Variants in DIAPH2 observed in about 807,000 individuals in gnomAD.
DIAPH2 encodes the protein protein diaphanous homolog 2.
In DIAPH2, 35 loss-of-function variants were observed where a neutral mutation model predicts 92.7. The ratio of observed to expected loss-of-function variants is 0.38; its 90% confidence interval spans 0.29 to 0.50. The LOEUF (loss-of-function observed/expected upper bound fraction) is 0.50, where lower values mean the gene tolerates loss of function less well. DIAPH2 is among the 20% of genes least tolerant of loss of function. The probability of loss-of-function intolerance (pLI) is 0.94; values close to 1 mark genes in which losing one functional copy is unlikely to be tolerated. For synonymous variants in DIAPH2, 301 were observed against 280.4 expected (o/e 1.07, Z -0.73); for missense variants, 701 against 819.5 (o/e 0.86, Z 1.77).
intron 21 of DIAPH2, among the ~76,000 whole-genome samples, chrX:97,139,462 A>G (rs775523751): frequency 8.3e-5 from 9 of 108,377 alleles, no homozygotes; most frequent in South Asian, 3.9e-4. Flanking sequence ...TTTTAAAAAA[A>G]AACAACAAAT....
intron 25 of DIAPH2, among the ~76,000 whole-genome samples, chrX:97,394,336 G>A (rs750533855): frequency 4.7e-4 from 52 of 111,792 alleles, no homozygotes; most frequent in African/African-American, 1.6e-3. Context: ...TGTATGCTTG[G>A]TGGACCTAGA....
intron 4 of DIAPH2, among the ~76,000 whole-genome samples, chrX:96,844,779 A>G (rs890945787): frequency 8.1e-5 from 9 of 111,668 alleles, no homozygotes; most frequent in Non-Finnish European, 1.7e-4. Context: ...CATATTGCAG[A>G]GGAAGTGTTA....
At chrX:97,417,597 C>T (rs1379043797) in intron 25 of DIAPH2, among the ~76,000 whole-genome samples, 2 of 111,608 alleles carry the variant, frequency 1.8e-5, no homozygotes, top group Non-Finnish European at 3.8e-5. Flanking sequence ...ATCGCTTGAA[C>T]CCAGGAGGCA....
chrX:96,980,915 CT>C (rs953230932), intron 17 of DIAPH2, among the ~76,000 whole-genome samples: 1 of 102,383 alleles, frequency 9.8e-6, no homozygotes, highest in Non-Finnish European at 2.0e-5. Context: ...AATCCCAGCA[CT>C]TTGGGAGGCC....
At chrX:96,845,119 T>C (rs2064962737) in intron 4 of DIAPH2, among the ~76,000 whole-genome samples, 1 of 111,805 alleles carries the variant, frequency 8.9e-6, no homozygotes, top group Non-Finnish European at 1.9e-5. Context: ...GTCATAAATT[T>C]CTCATTTTTC....
intron 23 of DIAPH2, among the ~76,000 whole-genome samples, chrX:97,326,955 G>A (rs12840098): frequency 0.43 from 47,472 of 110,961 alleles, 8,731 homozygotes; most frequent in Non-Finnish European, 0.58. Context: ...TCTACAAGCA[G>A]TTTAAAAATC....
At chrX:96,862,407 T>C (rs2065077681) in intron 4 of DIAPH2, among the ~76,000 whole-genome samples, 1 of 112,193 alleles carries the variant, frequency 8.9e-6, no homozygotes, top group African/African-American at 3.2e-5. Flanking sequence ...ATGATCATTG[T>C]AATGGTGACA....
chrX:97,512,191 C>CCCG (rs1569415220), intron 26 of DIAPH2, among the ~76,000 whole-genome samples: 13 of 113,219 alleles, frequency 1.1e-4, no homozygotes, highest in Non-Finnish European at 2.1e-4. Context: ...TTCAGAGACT[C>CCCG]TTATTGGTCT....
intron 25 of DIAPH2, among the ~76,000 whole-genome samples, chrX:97,427,839 A>C (rs925215808): frequency 9.1e-6 from 1 of 110,138 alleles, no homozygotes; most frequent in East Asian, 2.9e-4. Context: ...GGTGCCCACC[A>C]CCATGCCTGG....
At chrX:96,846,561 C>A (rs765460951) in intron 4 of DIAPH2, among the ~76,000 whole-genome samples, 71 of 112,281 alleles carry the variant, frequency 6.3e-4, no homozygotes, top group Middle Eastern at 9.3e-3. Flanking sequence ...CAATTCTATT[C>A]ATATTCACTT....
intron 17 of DIAPH2, among the ~76,000 whole-genome samples, chrX:97,015,644 G>A (rs767600511): frequency 8.1e-5 from 9 of 110,749 alleles, no homozygotes; most frequent in Non-Finnish European, 1.1e-4. Context: ...TTTCTAAATT[G>A]GGTGGCTTTG....
chrX:96,747,464 G>A (rs1328803651), intron 3 of DIAPH2, among the ~76,000 whole-genome samples: 1 of 111,975 alleles, frequency 8.9e-6, no homozygotes. Flanking sequence ...CAAATTTGAT[G>A]TTTTACACTC....
At chrX:97,486,621 A>G (rs759286183) in intron 26 of DIAPH2, among the ~76,000 whole-genome samples, 1 of 111,779 alleles carries the variant, frequency 8.9e-6, no homozygotes, top group African/African-American at 3.2e-5. Flanking sequence ...ATATATTTAC[A>G]CATACTATTT....
At chrX:97,130,446 GTTATA>G (rs1428600835) in intron 21 of DIAPH2, among the ~76,000 whole-genome samples, 1 of 111,797 alleles carries the variant, frequency 8.9e-6, no homozygotes, top group Non-Finnish European at 1.9e-5. Context: ...TCTGGTATAT[GTTATA>G]TTATAATATG....
At chrX:97,308,811 C>T (rs758120867) in intron 23 of DIAPH2, among the ~76,000 whole-genome samples, 4 of 105,219 alleles carry the variant, frequency 3.8e-5, no homozygotes, top group Non-Finnish European at 7.8e-5. Context: ...TTAGTAGAGA[C>T]GGGGTTTCAC....
intron 22 of DIAPH2, among the ~76,000 whole-genome samples, chrX:97,174,936 C>T (rs991499154): frequency 5.4e-5 from 6 of 111,190 alleles, no homozygotes; most frequent in African/African-American, 1.6e-4. Context: ...CGTCTGGTAA[C>T]GATATGCCAT....
chrX:97,305,838 A>AAAAG (rs1556022334), intron 23 of DIAPH2, among the ~76,000 whole-genome samples: 1 of 107,849 alleles, frequency 9.3e-6, no homozygotes, highest in Non-Finnish European at 1.9e-5. Context: ...AAAAAAAAAA[A>AAAAG]AAAGAAAGAA....
chrX:97,123,241 C>A (rs970048622), intron 21 of DIAPH2, among the ~76,000 whole-genome samples: 2 of 111,727 alleles, frequency 1.8e-5, no homozygotes, highest in African/African-American at 6.5e-5. Flanking sequence ...CATTGAGAAC[C>A]ACTGAATAGT....
chrX:97,274,049 GTGTGTATA>G (rs2068415139), intron 23 of DIAPH2, among the ~76,000 whole-genome samples: 1 of 102,374 alleles, frequency 9.8e-6, no homozygotes, highest in African/African-American at 3.5e-5. Context: ...GTGTGTGTGT[GTGTGTATA>G]GAGAGAGAGA....
Sources: allele counts gnomAD v4.1 joint callset (sites outside exome capture counted in the v4.1 genomes callset), GRCh38; gene constraint gnomAD v4.1.1; transcripts MANE v1.5; gene names NCBI Gene and HGNC (gene_info 2026-07-23, HGNC 2026-07-21).